STYXL2: variants seen among roughly 807,000 people sequenced by gnomAD.
STYXL2 encodes the protein serine/threonine/tyrosine-interacting-like protein 2.
STYXL2 carries 44 observed loss-of-function variants against 52.4 expected under a neutral mutation model. The observed-to-expected ratio is 0.84, with a 90% CI of 0.66 to 1.08. The LOEUF (loss-of-function observed/expected upper bound fraction) is 1.08. Among genes scored for constraint, STYXL2 ranks in the 50% least tolerant of loss-of-function variants. The pLI is 0.00. For synonymous variants in STYXL2, 604 were observed against 586.9 expected (o/e 1.03, Z -0.42); for missense variants, 1,604 against 1,471.7 (o/e 1.09, Z -1.47).
chr1:167,098,845 G>T (rs1667344439), intron 2 of STYXL2, among the ~76,000 whole-genome samples: 2 of 152,164 alleles, frequency 1.3e-5, no homozygotes, highest in Non-Finnish European at 2.9e-5. Context: ...TCCAAGAGTT[G>T]CATCCAAGAG....
intron 2 of STYXL2, among the ~76,000 whole-genome samples, chr1:167,099,449 C>T (rs1356706329): frequency 6.6e-6 from 1 of 152,118 alleles, no homozygotes; most frequent in African/African-American, 2.4e-5. Context: ...TATACTGGGC[C>T]ATACATATAT....
intron 2 of STYXL2, among the ~76,000 whole-genome samples, chr1:167,110,414 T>G (rs1195795022): frequency 6.6e-6 from 1 of 152,124 alleles, no homozygotes; most frequent in African/African-American, 2.4e-5. Flanking sequence ...GAAGATCAAT[T>G]ATTAAGCAAC....
Position 167,108,644 on chromosome 1 carries a change from G to A in STYXL2, c.111-5066G>A, listed in dbSNP as rs528167843. On this transcript the variant is annotated intron_variant, in intron 2 of 5. Transcript: ENST00000361200. ...AATTGAGTTGATTAGAGTTATGGGG[G>A]GGAAAAATGGCAGATAGGAGGGAGG... Among the ~76,000 whole-genome samples, 3 of 152,262 alleles carry A rather than the reference G, an allele frequency of 2.0e-5. No individual in the cohort carries two copies. The East Asian group carries it at 5.8e-4, about 29-fold the overall frequency.
chr1:167,120,221 G>A (rs1005183772), intron 5 of STYXL2, among the ~76,000 whole-genome samples: 5 of 152,206 alleles, frequency 3.3e-5, no homozygotes, highest in African/African-American at 4.8e-5. Context: ...AGTCTGCAGA[G>A]GTCACAGGCC....
intron 2 of STYXL2, among the ~76,000 whole-genome samples, chr1:167,105,999 A>C (rs973409200): frequency 2.6e-5 from 4 of 152,240 alleles, no homozygotes; most frequent in Admixed American, 2.6e-4. Context: ...CTGACTCATT[A>C]GCCGAACTTC....
intron 5 of STYXL2, among the ~76,000 whole-genome samples, chr1:167,120,630 T>C (rs1331250481): frequency 1.3e-5 from 2 of 151,838 alleles, no homozygotes; most frequent in South Asian, 4.2e-4. Context: ...TTTTTAATTA[T>C]TTTTACTTTT....
In STYXL2 at chr1:167,125,651, G is replaced by T. The variant is rs905051038; in HGVS notation, c.656-136G>T. ...CTCAGCCCTCCTGTGTCTTGAGCCC[G>T]GATGAACTTCAGAGGCAAAGTAAAC... On this transcript the variant is annotated intron_variant, in intron 5 of 5. Transcript: ENST00000361200. 2.3e-6 allele frequency: 3 copies of T among 1,305,676 alleles called. No homozygotes were observed. The South Asian group carries it at 5.3e-5, about 23-fold the overall frequency. 80.9% of individuals were successfully genotyped at this position (1,305,676 alleles called of 1,614,324 possible).
Position 167,125,807 on chromosome 1 carries a change from G to A in STYXL2, c.676G>A (p.Glu226Lys), listed in dbSNP as rs144186156. The A allele has an allele frequency of 1.1e-5, 18 of 1,603,244 alleles. No individual in the cohort carries two copies. The highest frequency in any genetic ancestry group is 1.1e-4 in the African/African-American group (8 of 74,246). ...TYRGKVLVSS[E>K]MGISRSAVLV... ...TTCAGGGAAAGTCCTGGTCAGCAGCGAAATGGGCATCAGCCGGTCAGCAGT... is the reference window on the plus strand; with the variant it reads ...TTCAGGGAAAGTCCTGGTCAGCAGCAAAATGGGCATCAGCCGGTCAGCAGT... Residue 226 changes from glutamate to lysine, a missense_variant, in exon 6 of 6, where the codon GAA becomes AAA. Physicochemically the swap from Glu to Lys is moderately conservative, Grantham distance 56 (BLOSUM62 1). Transcript: ENST00000361200.
intron 2 of STYXL2, among the ~76,000 whole-genome samples, chr1:167,096,182 C>T (rs1472495535): frequency 1.2e-4 from 18 of 152,016 alleles, no homozygotes; most frequent in Middle Eastern, 3.4e-3. Context: ...CACTTGAACC[C>T]GGGAGGCGGA....
intron 2 of STYXL2, among the ~76,000 whole-genome samples, chr1:167,095,347 G>A (rs1209059611): frequency 3.3e-5 from 5 of 151,384 alleles, no homozygotes; most frequent in East Asian, 1.9e-4. Flanking sequence ...ATGACAGGCC[G>A]TAGACTATAA....
At position 167,125,667 on chromosome 1, in the gene STYXL2, CAAAGT is replaced by C. The variant is rs1667946940; in HGVS notation, c.656-116_656-112del. Reference sequence around the variant, plus strand: ...CTTGAGCCCGGATGAACTTCAGAGGCAAAGTAAACACCTTAAGTGCAGCATATTAA... The same window carrying C: ...CTTGAGCCCGGATGAACTTCAGAGGCAAACACCTTAAGTGCAGCATATTAA... On this transcript the variant is annotated intron_variant, in intron 5 of 5. Coordinates refer to ENST00000361200, the MANE Select transcript of STYXL2 (RefSeq NM_001080426.3). The C allele has an allele frequency of 1.0e-5, 14 of 1,387,230 alleles. No individual in the cohort carries two copies. In the South Asian group the frequency reaches 2.0e-4, roughly 20 times the overall value. 85.9% of individuals were successfully genotyped at this position (1,387,230 alleles called of 1,614,324 possible).
intron 2 of STYXL2, among the ~76,000 whole-genome samples, chr1:167,105,788 T>A (rs1380736409): frequency 1.3e-5 from 2 of 152,242 alleles, no homozygotes; most frequent in East Asian, 3.8e-4. Flanking sequence ...GCATTTGTAA[T>A]CTACATTGTA....
chr1:167,111,390 C>T (rs1241310778), intron 2 of STYXL2, among the ~76,000 whole-genome samples: 1 of 149,074 alleles, frequency 6.7e-6, no homozygotes, highest in South Asian at 2.1e-4. Flanking sequence ...ATGTTTATAG[C>T]AGCACAGTTC....
At chr1:167,105,054 A>C (rs961280313) in intron 2 of STYXL2, among the ~76,000 whole-genome samples, 3 of 143,496 alleles carry the variant, frequency 2.1e-5, no homozygotes, top group African/African-American at 9.0e-5. Flanking sequence ...AACTACACTT[A>C]TCCTTACAAT....
At chr1:167,120,453 TA>T in intron 5 of STYXL2, among the ~76,000 whole-genome samples, 1 of 152,188 alleles carries the variant, frequency 6.6e-6, no homozygotes, top group East Asian at 1.9e-4. Flanking sequence ...AAAATGCATA[TA>T]AAATAACTCC....
Position 167,126,812 on chromosome 1 carries a change from T to G in STYXL2, c.1681T>G (p.Leu561Val), listed in dbSNP as rs147322156. 1.2e-6 allele frequency: 2 copies of G among 1,613,920 alleles called. No individual in the cohort carries two copies. Among genetic ancestry groups the G allele is most frequent in the African/African-American group, 2.7e-5 (2 of 74,866 alleles). The change falls in exon 6 of 6, where the codon TTG (leucine) becomes GTG (valine). Residue 561 changes from leucine (L) to valine (V), a missense_variant. Leu to Val is a conservative substitution (Grantham distance 32, BLOSUM62 1). Coordinates refer to ENST00000361200, the MANE Select transcript of STYXL2 (RefSeq NM_001080426.3). ...CCAATTTGGATTTCACAAGAAAGAC[T>G]TGGGAGCGGGAGACAGCAGCGGTGA... Reference protein sequence around the residue: ...RIQFGFHKKDLGAGDSSGEPG... With the variant: ...RIQFGFHKKDVGAGDSSGEPG...
rs374350764 is a variant in STYXL2 at position 167,126,120 on chromosome 1, G to C, written c.989G>C (p.Gly330Ala). 2.6e-6 allele frequency: 4 copies of C among 1,512,982 alleles called. No individual in the cohort carries two copies. In the African/African-American group the frequency reaches 5.6e-5, roughly 21 times the overall value. 93.7% of individuals were successfully genotyped at this position (1,512,982 alleles called of 1,614,324 possible). Residue 330 changes from glycine (G) to alanine (A), a missense_variant, in exon 6 of 6, where the codon GGG becomes GCG. Gly to Ala is a moderately conservative substitution (Grantham distance 60, BLOSUM62 0). Coordinates refer to ENST00000361200, the MANE Select transcript of STYXL2 (RefSeq NM_001080426.3). ...SASHLSGSSLGKATQASKPLT... is the reference protein window; with the variant it reads ...SASHLSGSSLAKATQASKPLT... ...AGCCACCTGAGTGGCTCCTCCCTGG[G>C]GAAGGCCACCCAGGCCTCCAAGCCC...
intron 5 of STYXL2, among the ~76,000 whole-genome samples, chr1:167,125,266 G>T (rs557302937): frequency 7.6e-4 from 116 of 152,278 alleles, no homozygotes; most frequent in African/African-American, 2.7e-3. Flanking sequence ...ATCCAAAAAT[G>T]GAGTGAATTG....
In STYXL2 at chr1:167,127,533, G is replaced by C. The variant is rs371850525; in HGVS notation, c.2402G>C (p.Cys801Ser). ...PSSDMQSVLS[C>S]NTTLSSPAES... The stretch of plus-strand genomic sequence containing the variant: ...TCTGACATGCAGTCTGTGCTGTCCT[G>C]CAACACCACACTGAGCTCACCCGCG... The change falls in exon 6 of 6, where the codon TGC becomes TCC. Residue 801 changes from cysteine to serine, a missense_variant. Physicochemically the swap from Cys to Ser is moderately radical, Grantham distance 112 (BLOSUM62 -1). Transcript: ENST00000361200. 16 of 1,613,956 alleles carry C rather than the reference G, an allele frequency of 9.9e-6. No individual in the cohort carries two copies. In the African/African-American group the frequency reaches 1.9e-4, roughly 19 times the overall value.
Sources: allele counts gnomAD v4.1 joint callset (sites outside exome capture counted in the v4.1 genomes callset), GRCh38; gene constraint gnomAD v4.1.1; transcripts MANE v1.5; gene names NCBI Gene and HGNC (gene_info 2026-07-23, HGNC 2026-07-21).